FN1: variants seen among roughly 807,000 people sequenced by gnomAD.
FN1 encodes fibronectin 1.
A neutral mutation model predicts 297.3 loss-of-function variants in FN1; 106 were observed. The observed-to-expected ratio is 0.36, with a 90% CI of 0.30 to 0.42. The LOEUF (loss-of-function observed/expected upper bound fraction) is 0.42. Among genes scored for constraint, FN1 ranks in the 10% least tolerant of loss-of-function variants. The probability of loss-of-function intolerance (pLI) is 1.00; values close to 1 mark genes in which losing one functional copy is unlikely to be tolerated. For missense variants in FN1, 2,690 were observed against 3,124.9 expected, an observed-to-expected ratio of 0.86 and a Z score of 3.32; for synonymous variants, 1,149 against 1,152.6, an observed-to-expected ratio of 1.00 and a Z score of 0.06.
At chr2:215,400,579 T>C (rs150901582) in intron 20 of FN1, among the ~76,000 whole-genome samples, 2,156 of 151,516 alleles carry the variant, frequency 0.014, 49 homozygotes, top group African/African-American at 0.05. Context: ...TGGTGAAACC[T>C]TGTCTCTGCT....
In FN1 at chr2:215,394,961, C is replaced by T. The variant is rs905387936; in HGVS notation, c.3605-242G>A. On this transcript the variant is annotated intron_variant, in intron 23 of 45. Transcript: ENST00000354785. ...CTCTATCACCCAGGCTGGAGTGCAG[C>T]GGTGTGATCTTGGCTCACTTCAACC... is the stretch of plus-strand genomic sequence containing the variant. Among the ~76,000 whole-genome samples, 5 of 152,202 alleles carry T rather than the reference C, an allele frequency of 3.3e-5. 1 individual carries two copies. The highest frequency in any genetic ancestry group is 6.8e-3 in the Middle Eastern group (2 of 294).
At chr2:215,409,533 A>T (rs1291504169) in intron 15 of FN1, 30 bp downstream of exon 15, 1 of 1,609,462 alleles carries the variant, frequency 6.2e-7, no homozygotes, top group East Asian at 2.2e-5. Flanking sequence ...AGCTGCCCTG[A>T]ACCTGTCTTG....
chr2:215,416,715 A>T (rs527653545), intron 12 of FN1, among the ~76,000 whole-genome samples: 2 of 152,346 alleles, frequency 1.3e-5, no homozygotes, highest in East Asian at 3.9e-4. Context: ...AGTTTTGAAA[A>T]GATAACATAA....
intron 20 of FN1, 146 bp from the exon 21 acceptor site, chr2:215,399,497 T>C (rs370727224): frequency 4.8e-5 from 32 of 661,476 alleles, no homozygotes; most frequent in South Asian, 1.8e-4. Flanking sequence ...TGGGTGAGAA[T>C]TGGGAGAGGA....
chr2:215,405,666 C>T (rs2061686846), intron 19 of FN1, among the ~76,000 whole-genome samples: 1 of 152,082 alleles, frequency 6.6e-6, no homozygotes. Flanking sequence ...TTGCTTGAAC[C>T]CAGGTGGTAG....
chr2:215,378,325 C>G, intron 34 of FN1, 63 bp from the exon 35 acceptor site: 7 of 849,418 alleles, frequency 8.2e-6, no homozygotes, highest in Non-Finnish European at 1.4e-5. Flanking sequence ...AGGAGTTTCA[C>G]TACAGCATTA....
In FN1 at chr2:215,372,147, G is replaced by A. The variant is rs1348474211; in HGVS notation, c.6476C>T (p.Pro2159Leu). Residue 2159 changes from proline to leucine, a missense_variant, in exon 40 of 46, where the codon CCC (proline) becomes CTC (leucine). Transcript: ENST00000354785. ...GTATGGTCTTGGCCTATGCCTTATG[G>A]GGGTGGCCGTTGTGGGCGGTGTGGT... ...RRTTPPTTAT[P>L]IRHRPRPYPP... is the part of the protein sequence containing the mutation. 1 of 1,614,218 alleles carries A rather than the reference G, an allele frequency of 6.2e-7. No homozygotes were observed. The highest frequency in any genetic ancestry group is 1.1e-5 in the South Asian group (1 of 91,086).
rs56966736 is a variant in FN1, at chr2:215,377,040, TTGTG to T, written c.5711-370_5711-367del. Among the ~76,000 whole-genome samples the T allele has an allele frequency of 2.5e-4, 38 of 150,872 alleles. No individual in the cohort carries two copies. In the East Asian group the frequency reaches 5.1e-3, roughly 20 times the overall value. Reference sequence around the variant, plus strand: ...ACAATAACATGGCCAGCTAACAATTTTGTGTGTGTGTGTGTGTATGTGTGTGTGA... The same window carrying T: ...ACAATAACATGGCCAGCTAACAATTTTGTGTGTGTGTGTATGTGTGTGTGA... On this transcript the variant is annotated intron_variant, in intron 35 of 45. Coordinates refer to ENST00000354785, the MANE Select transcript of FN1 (RefSeq NM_212482.4).
intron 33 of FN1, chr2:215,379,673 T>C (rs1467691898): frequency 1.2e-5 from 3 of 251,684 alleles, no homozygotes; most frequent in Non-Finnish European, 2.3e-5. Flanking sequence ...AAATAAGCAA[T>C]GGCCCTTTTT....
In FN1 at chr2:215,367,149, C is replaced by T. The variant is rs1041735971; in HGVS notation, c.7018+714G>A. On this transcript the variant is annotated intron_variant, in intron 42 of 45. Transcript: ENST00000354785. ...ACACCTATAAAAATGAACCAATTGT[C>T]AATAATCATCACATCTCCTAAACAC... Among the ~76,000 whole-genome samples the T allele has an allele frequency of 3.3e-5, 5 of 152,070 alleles. No individual in the cohort carries two copies. The East Asian group carries it at 9.6e-4, about 29-fold the overall frequency.
Position 215,365,633 on chromosome 2 carries a change from G to T in FN1, c.7019-3C>A. On this transcript the variant is annotated splice_region_variant and splice_polypyrimidine_tract_variant and intron_variant, in intron 42 of 45. Transcript: ENST00000354785. Reference sequence around the variant, plus strand: ...CACACCATTGTCATGGCACCATCCTGTAGGGGTGGGGAAAGTCAGGACCAA... The same window carrying T: ...CACACCATTGTCATGGCACCATCCTTTAGGGGTGGGGAAAGTCAGGACCAA... 1 of 1,613,898 alleles carries T rather than the reference G, an allele frequency of 6.2e-7. No individual in the cohort carries two copies. The highest frequency in any genetic ancestry group is 2.2e-5 in the East Asian group (1 of 44,860).
chr2:215,409,831 C>G (rs1384567383), intron 14 of FN1, 92 bp from the exon 15 acceptor site: 22 of 1,586,716 alleles, frequency 1.4e-5, no homozygotes, highest in Non-Finnish European at 1.9e-5. Context: ...AACGTTGGTG[C>G]CCCTCCTGGA....
intron 44 of FN1, 79 bp downstream of exon 44, chr2:215,364,800 T>C: frequency 3.2e-6 from 3 of 924,628 alleles, no homozygotes; most frequent in Non-Finnish European, 5.1e-6. Context: ...CTGCCCCTCC[T>C]GTGTGTACGA....
rs115420251 is a variant in FN1 at position 215,362,896 on chromosome 2, G to A, written c.7252-817C>T. The stretch of plus-strand genomic sequence containing the variant: ...CATGGGAAGGCACGCGGAGCAAGAG[G>A]GAGTCCGGGCGCCATTGCTGGAGCA... On this transcript the variant is annotated intron_variant, in intron 44 of 45. Coordinates refer to ENST00000354785, the MANE Select transcript of FN1 (RefSeq NM_212482.4). The A allele has an allele frequency of 8.1e-3, 1,243 of 152,592 alleles. 8 individuals carry two copies. Among genetic ancestry groups the A allele is most frequent in the Non-Finnish European group, 0.015 (1,008 of 68,264 alleles). The allele number at this position is 152,592 out of a possible 1,614,324, so 9.5% of individuals were successfully genotyped here.
At position 215,375,688 on chromosome 2, in the gene FN1, T is replaced by C. The variant is rs1170923868; in HGVS notation, c.5918A>G (p.Tyr1973Cys). ...AGCATTGTCATTCAAGGTGTACAGG[T>C]AGATCTTGTAGTCAGTGCCTGGTTG... is the stretch of plus-strand genomic sequence containing the variant. ...GLQPGTDYKI[Y>C]LYTLNDNARS... Residue 1973 changes from tyrosine (Y) to cysteine (C), a missense_variant, in exon 37 of 46, where the codon TAC becomes TGC. Coordinates refer to ENST00000354785, the MANE Select transcript of FN1 (RefSeq NM_212482.4). 6.2e-7 allele frequency: 1 copy of C among 1,612,880 alleles called. No homozygotes were observed.
At chr2:215,381,885 C>A (rs1318604764) in intron 32 of FN1, 4 of 364,396 alleles carry the variant, frequency 1.1e-5, no homozygotes, top group Non-Finnish European at 1.1e-5. Flanking sequence ...CTTCAATCAA[C>A]TTTACCATCC....
At chr2:215,424,040 T>G (rs2064913524) in intron 8 of FN1, 106 bp downstream of exon 8, 1 of 1,139,706 alleles carries the variant, frequency 8.8e-7, no homozygotes, top group Admixed American at 1.7e-5. Flanking sequence ...ACAAAAGCGA[T>G]GCTTCTTGGG....
At position 215,373,426 on chromosome 2, in the gene FN1, G is replaced by T; in HGVS notation, c.6158-15C>A. The T allele has an allele frequency of 6.2e-7, 1 of 1,602,246 alleles. No homozygotes were observed. The highest frequency in any genetic ancestry group is 1.1e-5 in the South Asian group (1 of 90,820). On this transcript the variant is annotated splice_polypyrimidine_tract_variant and intron_variant, in intron 38 of 45. Transcript: ENST00000354785. ...CGGTTCCAGGCCTGAAGGGAGAATA[G>T]AACCATCACATTATGTCAATGGGCT...
chr2:215,394,603 G>T lies in FN1; in HGVS notation c.3721C>A (p.Leu1241Met). 6.2e-7 allele frequency: 1 copy of T among 1,614,074 alleles called. No individual in the cohort carries two copies. Among genetic ancestry groups the T allele is most frequent in the Non-Finnish European group, 8.5e-7 (1 of 1,179,978 alleles). ...GTGTAAACACTGACATTGTACTCCAGGCCGGGACTCAGGTTATCAAAAGTG... is the reference window on the plus strand; with the variant it reads ...GTGTAAACACTGACATTGTACTCCATGCCGGGACTCAGGTTATCAAAAGTG... ...SCTFDNLSPG[L>M]EYNVSVYTVK... Residue 1241 changes from leucine to methionine, a missense_variant, in exon 24 of 46, where the codon CTG (leucine) becomes ATG (methionine). Transcript: ENST00000354785.
Sources: allele counts gnomAD v4.1 joint callset (sites outside exome capture counted in the v4.1 genomes callset), GRCh38; gene constraint gnomAD v4.1.1; transcripts MANE v1.5; gene names NCBI Gene and HGNC (gene_info 2026-07-23, HGNC 2026-07-21).